The following PDE4D variants were observed in gnomAD, a reference collection of about 807,000 sequenced individuals.
The protein encoded by PDE4D is phosphodiesterase 4D, also known as 3',5'-cyclic-AMP phosphodiesterase 4D.
A neutral mutation model predicts 87.4 loss-of-function variants in PDE4D; 24 were observed. The ratio of observed to expected loss-of-function variants is 0.27; its 90% confidence interval spans 0.20 to 0.39. The LOEUF (loss-of-function observed/expected upper bound fraction) is 0.39, where lower values mean the gene tolerates loss of function less well. Ranked by LOEUF, PDE4D falls within the 10% of genes least tolerant of loss-of-function variation. The probability of loss-of-function intolerance (pLI) is 1.00; values close to 1 mark genes in which losing one functional copy is unlikely to be tolerated. For missense variants in PDE4D, 714 were observed against 1,041.0 expected, an observed-to-expected ratio of 0.69 and a Z score of 4.32; for synonymous variants, 384 against 383.2, an observed-to-expected ratio of 1.00 and a Z score of -0.02.
intron 1 of PDE4D, among the ~76,000 whole-genome samples, chr5:60,257,222 GAGAAAGAAAGAAAGAAAGAA>G (rs142753730): frequency 7.0e-6 from 1 of 143,130 alleles, no homozygotes; most frequent in Non-Finnish European, 1.5e-5. Flanking sequence ...AAGAAAGAAA[GAGAAAGAAAGAAAGAAAGAA>G]AGAAAGAAAG....
At chr5:59,073,165 GA>G (rs1765123199) in intron 5 of PDE4D, among the ~76,000 whole-genome samples, 1 of 152,090 alleles carries the variant, frequency 6.6e-6, no homozygotes, top group South Asian at 2.1e-4. Context: ...AAATACCAAG[GA>G]ACTGAGTCCC....
At chr5:59,333,137 A>G (rs1042916016) in intron 1 of PDE4D, among the ~76,000 whole-genome samples, 12 of 152,208 alleles carry the variant, frequency 7.9e-5, no homozygotes, top group African/African-American at 2.9e-4. Context: ...GTAGCCATAG[A>G]ACATACTCTA....
chr5:58,979,238 C>T (rs1744531277), intron 11 of PDE4D, among the ~76,000 whole-genome samples: 1 of 152,070 alleles, frequency 6.6e-6, no homozygotes, highest in African/African-American at 2.4e-5. Flanking sequence ...GGCAGATGTC[C>T]AAGAATACTG....
At chr5:60,507,585 C>T (rs1037461486) in intron 1 of PDE4D, among the ~76,000 whole-genome samples, 1 of 152,008 alleles carries the variant, frequency 6.6e-6, no homozygotes, top group South Asian at 2.1e-4. Context: ...ATTTATACTG[C>T]CACTGACAAT....
At chr5:60,417,729 T>C (rs1410245473) in intron 1 of PDE4D, among the ~76,000 whole-genome samples, 1 of 152,114 alleles carries the variant, frequency 6.6e-6, no homozygotes, top group Non-Finnish European at 1.5e-5. Flanking sequence ...GAAAAAAAAC[T>C]CTTCTGAATG....
At chr5:59,249,993 C>T (rs925761445) in intron 1 of PDE4D, among the ~76,000 whole-genome samples, 2 of 151,782 alleles carry the variant, frequency 1.3e-5, no homozygotes, top group African/African-American at 4.8e-5. Flanking sequence ...CAGGGACACA[C>T]CATAAAAAAA....
chr5:60,226,564 C>T (rs1477786329), intron 1 of PDE4D, among the ~76,000 whole-genome samples: 1 of 151,994 alleles, frequency 6.6e-6, no homozygotes, highest in African/African-American at 2.4e-5. Flanking sequence ...ATTTGAAAAA[C>T]AGCGTTATTT....
At chr5:59,260,120 TGA>T (rs1375046208) in intron 1 of PDE4D, among the ~76,000 whole-genome samples, 5 of 151,880 alleles carry the variant, frequency 3.3e-5, no homozygotes, top group African/African-American at 1.2e-4. Context: ...AAGATTGTCC[TGA>T]GAGTCTTTTT....
chr5:59,447,771 C>G (rs931328539), intron 1 of PDE4D, among the ~76,000 whole-genome samples: 12 of 152,124 alleles, frequency 7.9e-5, no homozygotes, highest in African/African-American at 2.7e-4. Context: ...ACTTCCTGCC[C>G]CACTGACACC....
intron 1 of PDE4D, among the ~76,000 whole-genome samples, chr5:60,343,358 CT>C (rs1379879363): frequency 6.6e-6 from 1 of 152,118 alleles, no homozygotes; most frequent in Non-Finnish European, 1.5e-5. Flanking sequence ...CGGAAAAGGG[CT>C]GTAATTAGAA....
At chr5:60,242,887 C>T (rs904643053) in intron 1 of PDE4D, among the ~76,000 whole-genome samples, 2 of 151,430 alleles carry the variant, frequency 1.3e-5, no homozygotes, top group African/African-American at 4.8e-5. Context: ...AGAATTAAAA[C>T]TTCAAATAAA....
chr5:59,480,754 C>T (rs1483102293), intron 1 of PDE4D, among the ~76,000 whole-genome samples: 2 of 152,146 alleles, frequency 1.3e-5, no homozygotes, highest in Admixed American at 6.6e-5. Context: ...TTCACTCATT[C>T]ATTTATTGAG....
chr5:59,547,553 CTCAGA>C (rs1246185444), intron 1 of PDE4D, among the ~76,000 whole-genome samples: 1 of 152,098 alleles, frequency 6.6e-6, no homozygotes, highest in East Asian at 1.9e-4. Context: ...ACAGTTTTAT[CTCAGA>C]TAAGAATTCC....
chr5:59,454,959 GA>G (rs1219551346), intron 1 of PDE4D, among the ~76,000 whole-genome samples: 1 of 152,198 alleles, frequency 6.6e-6, no homozygotes, highest in Non-Finnish European at 1.5e-5. Context: ...TTTGGTGGAA[GA>G]AATTTCTAAG....
intron 3 of PDE4D, among the ~76,000 whole-genome samples, chr5:59,909,876 A>T (rs1320388590): frequency 6.6e-6 from 1 of 152,216 alleles, no homozygotes; most frequent in East Asian, 1.9e-4. Context: ...CTTGAAAATA[A>T]AGGACCCACA....
intron 1 of PDE4D, among the ~76,000 whole-genome samples, chr5:59,657,333 A>T (rs1458406189): frequency 1.3e-5 from 2 of 152,198 alleles, no homozygotes. Flanking sequence ...ACTCTGCAGA[A>T]TCATACAATT....
intron 1 of PDE4D, among the ~76,000 whole-genome samples, chr5:59,756,281 G>A (rs555503396): frequency 1.8e-4 from 27 of 151,826 alleles, no homozygotes; most frequent in Admixed American, 8.5e-4. Context: ...ATAAGGATTA[G>A]TCATCAGAAT....
At chr5:60,202,600 A>C (rs1056526180) in intron 1 of PDE4D, among the ~76,000 whole-genome samples, 1 of 152,158 alleles carries the variant, frequency 6.6e-6, no homozygotes, top group African/African-American at 2.4e-5. Flanking sequence ...CTTAAAAATC[A>C]GTAAGGAAAA....
intron 1 of PDE4D, among the ~76,000 whole-genome samples, chr5:59,391,060 C>T (rs1009465247): frequency 6.6e-6 from 1 of 152,026 alleles, no homozygotes; most frequent in Non-Finnish European, 1.5e-5. Flanking sequence ...TATACAGTCA[C>T]CAGAGGAATA....
Sources: gnomAD v4.1 joint callset for allele counts (sites outside exome capture counted in the v4.1 genomes callset) on GRCh38, gnomAD v4.1.1 for gene constraint, MANE v1.5 for transcripts, NCBI Gene and HGNC (gene_info 2026-07-23, HGNC 2026-07-21) for gene names.